RAB38: variants seen among roughly 807,000 people sequenced by gnomAD.
RAB38 encodes the protein RAB38, member RAS oncogene family, also known as ras-related protein Rab-38.
RAB38 carries 15 observed loss-of-function variants against 18.4 expected under a neutral mutation model. The ratio of observed to expected loss-of-function variants is 0.82; its 90% CI spans 0.55 to 1.26. The LOEUF is 1.26. RAB38 is among the 50% of genes most tolerant of loss of function. The probability of loss-of-function intolerance (pLI) is 0.00; values close to 1 mark genes in which losing one functional copy is unlikely to be tolerated. For missense variants in RAB38, 294 were observed against 267.4 expected (o/e 1.10, Z -0.69); for synonymous variants, 101 against 104.4 (o/e 0.97, Z 0.20).
the RAB38 span, among the ~76,000 whole-genome samples, chr11:87,977,973 A>G: frequency 8.9e-6 from 1 of 112,194 alleles, no homozygotes; most frequent in Non-Finnish European, 1.7e-5. Context: ...AAGATATATT[A>G]TATAAATACA....
the RAB38 span, among the ~76,000 whole-genome samples, chr11:87,953,818 GCCTTTTTTAGGCCCAAGATGGAA>G: frequency 6.7e-6 from 1 of 149,600 alleles, no homozygotes; most frequent in South Asian, 2.1e-4. Context: ...TTAAATGCTT[GCCTTTTTTAGGCCCAAGATGGAA>G]TCTGTGTTTT....
At chr11:88,054,685 C>G in the RAB38 span, among the ~76,000 whole-genome samples, 1 of 152,208 alleles carries the variant, frequency 6.6e-6, no homozygotes, top group Non-Finnish European at 1.5e-5. Flanking sequence ...AAGGAGGCCA[C>G]TAACTTTGTT....
At chr11:88,107,957 A>G in the RAB38 span, among the ~76,000 whole-genome samples, 1 of 152,110 alleles carries the variant, frequency 6.6e-6, no homozygotes, top group Admixed American at 6.6e-5. Flanking sequence ...CCTGAGTTCT[A>G]ATTTGATTGC....
chr11:88,068,549 T>A, the RAB38 span, among the ~76,000 whole-genome samples: 3 of 152,222 alleles, frequency 2.0e-5, no homozygotes, highest in African/African-American at 7.2e-5. Flanking sequence ...TTTATTCAAC[T>A]AATATTTGAT....
chr11:87,887,530 G>C, the RAB38 span, among the ~76,000 whole-genome samples: 1 of 151,958 alleles, frequency 6.6e-6, no homozygotes, highest in Non-Finnish European at 1.5e-5. Flanking sequence ...CTTTCTAGTA[G>C]TATGAATTAG....
chr11:87,959,796 A>T, the RAB38 span, among the ~76,000 whole-genome samples: 1 of 152,188 alleles, frequency 6.6e-6, no homozygotes, highest in South Asian at 2.1e-4. Context: ...AGTCAACTAT[A>T]TGAACAAAAC....
intron 1 of RAB38, among the ~76,000 whole-genome samples, chr11:88,159,799 C>A (rs1466236519): frequency 6.6e-6 from 1 of 151,948 alleles, no homozygotes; most frequent in East Asian, 1.9e-4. Flanking sequence ...ATACTGGACT[C>A]CTACCTTTCA....
chr11:88,025,570 T>C, the RAB38 span, among the ~76,000 whole-genome samples: 1 of 152,214 alleles, frequency 6.6e-6, no homozygotes, highest in Admixed American at 6.5e-5. Flanking sequence ...TAATAGCCAT[T>C]CTGACTGGTG....
At chr11:87,948,166 G>A in the RAB38 span, among the ~76,000 whole-genome samples, 2 of 152,142 alleles carry the variant, frequency 1.3e-5, no homozygotes, top group African/African-American at 2.4e-5. Flanking sequence ...AATTGTGAAT[G>A]GGAGTTCATT....
chr11:88,096,767 T>C, the RAB38 span, among the ~76,000 whole-genome samples: 4 of 151,756 alleles, frequency 2.6e-5, no homozygotes, highest in East Asian at 7.8e-4. Flanking sequence ...CTATTTGTGG[T>C]AAGAATGCAT....
At chr11:87,904,835 G>T in the RAB38 span, among the ~76,000 whole-genome samples, 1 of 151,698 alleles carries the variant, frequency 6.6e-6, no homozygotes, top group Non-Finnish European at 1.5e-5. Flanking sequence ...TTTTGATTAT[G>T]ATGTATATTG....
chr11:88,121,903 T>C (rs969183693), intron 2 of RAB38, among the ~76,000 whole-genome samples: 8 of 152,216 alleles, frequency 5.3e-5, no homozygotes, highest in African/African-American at 9.7e-5. Context: ...TAAATGTCTA[T>C]TGAAGGAATG....
At chr11:88,069,824 GT>G in the RAB38 span, among the ~76,000 whole-genome samples, 2 of 105,718 alleles carry the variant, frequency 1.9e-5, no homozygotes, top group Admixed American at 9.8e-5. Flanking sequence ...AGTGCTCTGT[GT>G]CTAGTTAATC....
chr11:87,950,048 T>A, the RAB38 span, among the ~76,000 whole-genome samples: 3 of 152,160 alleles, frequency 2.0e-5, no homozygotes, highest in Non-Finnish European at 4.4e-5. Flanking sequence ...GGTCACTCAG[T>A]ACTTGCTTTA....
the RAB38 span, among the ~76,000 whole-genome samples, chr11:87,873,897 T>G: frequency 2.1e-4 from 20 of 93,754 alleles, 1 homozygote; most frequent in Middle Eastern, 4.5e-3. Context: ...TGTGTGTATA[T>G]ATATATATAT....
At chr11:87,969,308 C>A in the RAB38 span, among the ~76,000 whole-genome samples, 1 of 152,082 alleles carries the variant, frequency 6.6e-6, no homozygotes, top group African/African-American at 2.4e-5. Flanking sequence ...TATCCCCCCC[C>A]AATAGAGTAT....
the RAB38 span, among the ~76,000 whole-genome samples, chr11:87,841,438 C>T: frequency 6.6e-6 from 1 of 152,164 alleles, no homozygotes; most frequent in South Asian, 2.1e-4. Flanking sequence ...ATACAATCAG[C>T]TATCTTTACT....
At chr11:88,097,210 C>T in the RAB38 span, among the ~76,000 whole-genome samples, 14 of 151,832 alleles carry the variant, frequency 9.2e-5, no homozygotes, top group Non-Finnish European at 2.1e-4. Context: ...CCATGAAGTG[C>T]CTGTTACTTT....
At chr11:87,825,230 G>A in the RAB38 span, among the ~76,000 whole-genome samples, 1 of 152,136 alleles carries the variant, frequency 6.6e-6, no homozygotes, top group Admixed American at 6.5e-5. Flanking sequence ...AAAACAATCA[G>A]AATATTAGTG....
Sources: allele counts gnomAD v4.1 joint callset (sites outside exome capture counted in the v4.1 genomes callset), GRCh38; gene constraint gnomAD v4.1.1; transcripts MANE v1.5; gene names NCBI Gene and HGNC (gene_info 2026-07-23, HGNC 2026-07-21).